CNNM2: variants seen among roughly 807,000 people sequenced by gnomAD.
CNNM2 encodes the protein cyclin and CBS domain divalent metal cation transport mediator 2.
Under a neutral mutation model 66.9 loss-of-function variants are expected in CNNM2, and 12 were observed. That is an observed-to-expected ratio of 0.18 (90% CI 0.11 to 0.29). The LOEUF (loss-of-function observed/expected upper bound fraction) is 0.29, where lower values mean the gene tolerates loss of function less well. CNNM2 is among the 10% of genes least tolerant of loss of function. CNNM2 has a pLI of 1.00. For synonymous variants in CNNM2, 557 were observed against 501.8 expected (o/e 1.11, Z -1.47); for missense variants, 705 against 1,167.7 (o/e 0.60, Z 5.77).
At chr10:103,024,446 C>T (rs2134290845) in intron 1 of CNNM2, among the ~76,000 whole-genome samples, 1 of 152,198 alleles carries the variant, frequency 6.6e-6, no homozygotes, top group East Asian at 1.9e-4. Context: ...AAATACAGTA[C>T]TGTGATAATA....
At chr10:103,064,174 C>A (rs867231155) in intron 4 of CNNM2, among the ~76,000 whole-genome samples, 1 of 152,302 alleles carries the variant, frequency 6.6e-6, no homozygotes, top group South Asian at 2.1e-4. Flanking sequence ...AGTAAAATTA[C>A]TCTAATGTGA....
intron 1 of CNNM2, 23 bp from the exon 2 acceptor site, chr10:103,049,684 T>G: frequency 6.2e-7 from 1 of 1,603,128 alleles, no homozygotes; most frequent in Non-Finnish European, 8.5e-7. Context: ...AGTCACTTCC[T>G]AAACTTTTTC....
chr10:102,963,101 C>T (rs181585872), intron 1 of CNNM2, among the ~76,000 whole-genome samples: 16 of 152,066 alleles, frequency 1.1e-4, no homozygotes, highest in African/African-American at 3.4e-4. Context: ...TCAGTTTAAG[C>T]GAACTCTAAA....
At chr10:103,038,548 G>T (rs904488925) in intron 1 of CNNM2, among the ~76,000 whole-genome samples, 2 of 152,134 alleles carry the variant, frequency 1.3e-5, no homozygotes, top group African/African-American at 4.8e-5. Flanking sequence ...ATAAATTCAG[G>T]GTCCTGTCCA....
At chr10:103,064,319 G>T (rs2065438626) in intron 4 of CNNM2, among the ~76,000 whole-genome samples, 1 of 152,218 alleles carries the variant, frequency 6.6e-6, no homozygotes, top group South Asian at 2.1e-4. Context: ...ACTCTGAAAT[G>T]ACATATTTTC....
rs768892390 is a variant in CNNM2, at chr10:102,918,899, C to T, written c.419C>T (p.Pro140Leu). The part of the protein sequence containing the change: ...PGERGLGGPA[P>L]PEPDSGPQRC... ...GAGCGCGGGCTGGGGGGCCCCGCGC[C>T]GCCAGAGCCGGACAGCGGCCCCCAG... Residue 140 changes from proline to leucine, a missense_variant, in exon 1 of 8, where the codon CCG becomes CTG. Pro to Leu is a moderately conservative substitution (Grantham distance 98). Transcript: ENST00000369878. This position sits in a 1 kb window ranked among gnomAD's most constrained non-coding sequence, Gnocchi z 4.1. The T allele has an allele frequency of 6.2e-7, 1 of 1,610,488 alleles. No homozygotes were observed. Among genetic ancestry groups the T allele is most frequent in the South Asian group, 1.1e-5 (1 of 90,936 alleles).
intron 6 of CNNM2, among the ~76,000 whole-genome samples, chr10:103,072,050 A>C (rs1350382420): frequency 6.6e-6 from 1 of 152,152 alleles, no homozygotes; most frequent in Non-Finnish European, 1.5e-5. Flanking sequence ...GCGCAAAGTC[A>C]CCATGCACAG....
chr10:103,025,179 A>G (rs922672649), intron 1 of CNNM2, among the ~76,000 whole-genome samples: 1 of 151,544 alleles, frequency 6.6e-6, no homozygotes, highest in Non-Finnish European at 1.5e-5. Flanking sequence ...GCAACCTCCA[A>G]CTCCCTGGTT....
rs2066145707 is a variant in CNNM2, at chr10:103,089,493, T to TACAG, written c.*12315_*12318dup. The stretch of plus-strand genomic sequence containing the variant: ...ACAATTTTGGACCATCTGCAGAGAG[T>TACAG]ACAGATACACAAAACCAAAACAAGT... On this transcript the variant is annotated 3_prime_UTR_variant, in exon 8 of 8. Transcript: ENST00000369878. 3 of 1,150,620 alleles carry TACAG rather than the reference T, an allele frequency of 2.6e-6. No individual in the cohort carries two copies. The highest frequency in any genetic ancestry group is 3.5e-6 in the Non-Finnish European group (3 of 851,070). The allele number at this position is 1,150,620 out of a possible 1,614,324, so 71.3% of individuals were successfully genotyped here. A position where few individuals can be genotyped will look rare whatever the true frequency, so the allele number is the denominator to read the frequency against.
At chr10:102,932,286 C>T (rs958801807) in intron 1 of CNNM2, among the ~76,000 whole-genome samples, 1 of 151,648 alleles carries the variant, frequency 6.6e-6, no homozygotes, top group African/African-American at 2.4e-5. Context: ...CTGGCCTCAA[C>T]CGATCCTCCA....
At chr10:102,922,154 TAAG>T (rs1316361545) in intron 1 of CNNM2, among the ~76,000 whole-genome samples, 7 of 152,246 alleles carry the variant, frequency 4.6e-5, no homozygotes, top group African/African-American at 1.7e-4. Flanking sequence ...TGTATTTGGT[TAAG>T]AAGATAGTCC....
intron 1 of CNNM2, among the ~76,000 whole-genome samples, chr10:102,953,113 A>G (rs1050713316): frequency 1.3e-5 from 2 of 152,236 alleles, no homozygotes; most frequent in African/African-American, 4.8e-5. Flanking sequence ...CTTTATGGAC[A>G]TGACTTGAGA....
intron 1 of CNNM2, among the ~76,000 whole-genome samples, chr10:102,921,586 A>G (rs1845639853): frequency 6.6e-6 from 1 of 152,204 alleles, no homozygotes; most frequent in Non-Finnish European, 1.5e-5. Context: ...CAGTATCTCT[A>G]GGTGACATAG....
At chr10:102,971,063 G>T (rs2063539287) in intron 1 of CNNM2, among the ~76,000 whole-genome samples, 1 of 151,808 alleles carries the variant, frequency 6.6e-6, no homozygotes, top group African/African-American at 2.4e-5. Context: ...GCTGGTCCTG[G>T]TGGCACTTGC....
At chr10:102,926,134 A>G (rs1487397855) in intron 1 of CNNM2, among the ~76,000 whole-genome samples, 1 of 152,212 alleles carries the variant, frequency 6.6e-6, no homozygotes, top group Non-Finnish European at 1.5e-5. Context: ...ATGTTCATCA[A>G]AGCATTTGAA....
At chr10:103,036,762 A>G (rs1028888413) in intron 1 of CNNM2, among the ~76,000 whole-genome samples, 1 of 152,210 alleles carries the variant, frequency 6.6e-6, no homozygotes, top group South Asian at 2.1e-4. Context: ...TTTTCTATTG[A>G]TAACCGTTTA....
chr10:103,052,653 A>T (rs2065236069), intron 2 of CNNM2, among the ~76,000 whole-genome samples: 1 of 151,832 alleles, frequency 6.6e-6, no homozygotes, highest in Non-Finnish European at 1.5e-5. Context: ...AGCTGGGATT[A>T]CAGGCACCCG....
intron 1 of CNNM2, among the ~76,000 whole-genome samples, chr10:102,974,973 G>C (rs144258449): frequency 6.6e-6 from 1 of 152,288 alleles, no homozygotes; most frequent in Non-Finnish European, 1.5e-5. Flanking sequence ...AGAACTTGGG[G>C]CATGGGAAGC....
intron 1 of CNNM2, among the ~76,000 whole-genome samples, chr10:102,984,040 G>A (rs2063759254): frequency 6.6e-6 from 1 of 152,162 alleles, no homozygotes; most frequent in African/African-American, 2.4e-5. Context: ...ACAGGTGTGA[G>A]CCACTGTGCC....
Sources: allele counts gnomAD v4.1 joint callset (sites outside exome capture counted in the v4.1 genomes callset), GRCh38; gene constraint gnomAD v4.1.1; non-coding constraint Gnocchi (gnomAD v3.1); transcripts MANE v1.5; gene names NCBI Gene and HGNC (gene_info 2026-07-23, HGNC 2026-07-21).